Variants in NDUFB9 observed in about 807,000 individuals in gnomAD.
NDUFB9 encodes NADH dehydrogenase [ubiquinone] 1 beta subcomplex subunit 9.
Under a neutral mutation model 30.2 loss-of-function variants are expected in NDUFB9, and 24 were observed. The ratio of observed to expected loss-of-function variants is 0.80; its 90% CI spans 0.58 to 1.12. NDUFB9 has a LOEUF of 1.12. NDUFB9 is among the 50% of genes most tolerant of loss of function. The pLI is 0.00. For missense variants in NDUFB9, 204 were observed against 226.0 expected, an observed-to-expected ratio of 0.90 and a Z score of 0.62; for synonymous variants, 80 against 84.0, an observed-to-expected ratio of 0.95 and a Z score of 0.26.
chr8:124,543,113 T>A lies in NDUFB9; in HGVS notation c.128T>A (p.Leu43Ter). The A allele has an allele frequency of 6.2e-7, 1 of 1,614,230 alleles. No homozygotes were observed. Among genetic ancestry groups the A allele is most frequent in the African/African-American group, 1.3e-5 (1 of 75,058 alleles). Residue 43 changes from leucine (L) to a stop codon, truncating the protein, a stop_gained, in exon 2 of 4, where the codon TTG (leucine) becomes TAG (stop). Coordinates refer to ENST00000276689, the MANE Select transcript of NDUFB9 (RefSeq NM_005005.3). LOFTEE classifies it high-confidence loss of function. ...QRDKYRYFAC[L>*]MRARFEEHKN... ...GACAAATACCGATACTTTGCTTGTTTGATGAGAGCCCGGTTTGAAGAACAT... is the reference window on the plus strand; with the variant it reads ...GACAAATACCGATACTTTGCTTGTTAGATGAGAGCCCGGTTTGAAGAACAT...
chr8:124,548,203 G>A (rs775648773), intron 3 of NDUFB9, among the ~76,000 whole-genome samples: 2 of 152,162 alleles, frequency 1.3e-5, no homozygotes, highest in Non-Finnish European at 2.9e-5. Flanking sequence ...GAACTCCCAG[G>A]AGAGATTTGG....
At chr8:124,545,012 G>GAAGAAGT (rs1402582506) in intron 2 of NDUFB9, among the ~76,000 whole-genome samples, 1 of 152,212 alleles carries the variant, frequency 6.6e-6, no homozygotes, top group Non-Finnish European at 1.5e-5. Flanking sequence ...GACTTCAGCA[G>GAAGAAGT]AAGAAGTAAC....
At chr8:124,544,987 T>A (rs956229796) in intron 2 of NDUFB9, among the ~76,000 whole-genome samples, 2 of 152,172 alleles carry the variant, frequency 1.3e-5, no homozygotes, top group Non-Finnish European at 2.9e-5. Context: ...TTGTGGGTGA[T>A]TTTGAAGGGC....
In NDUFB9 at chr8:124,549,817, C is replaced by T. The variant is rs1335200624; in HGVS notation, c.465C>T (p.Pro155=). The T allele has an allele frequency of 2.5e-6, 4 of 1,614,028 alleles. No homozygotes were observed. ...GTGGTCCTTTAACTGAAGCTTTGCC[C>T]CCTGCCCGAAAGGAAGGTGATTTGC... The part of the protein sequence containing the change: ...PPGGPLTEAL[P]PARKEGDLPP... The change falls in exon 4 of 4, where the codon CCC becomes CCT. Residue 155 remains proline (P), a synonymous_variant. Coordinates refer to ENST00000276689, the MANE Select transcript of NDUFB9 (RefSeq NM_005005.3).
intron 2 of NDUFB9, 36 bp downstream of exon 2, chr8:124,543,315 TAG>T (rs758943691): frequency 1.9e-6 from 3 of 1,591,082 alleles, no homozygotes; most frequent in Middle Eastern, 1.7e-4. Context: ...TTCTGAGAAA[TAG>T]ACTTTGTTTC....
chr8:124,543,386 T>G lies in NDUFB9; in HGVS notation c.294+107T>G. On this transcript the variant is annotated intron_variant, in intron 2 of 3. Coordinates refer to ENST00000276689, the MANE Select transcript of NDUFB9 (RefSeq NM_005005.3). ...GCCCTTCAAGGGGTAGCTAGGAGAC[T>G]TATTTCCTGACAGTTGTCAGATGCA... 3 of 1,162,072 alleles carry G rather than the reference T, an allele frequency of 2.6e-6. No individual in the cohort carries two copies. In the South Asian group the frequency reaches 3.9e-5, roughly 15 times the overall value. 72.0% of individuals were successfully genotyped at this position (1,162,072 alleles called of 1,614,324 possible).
chr8:124,541,567 T>C (rs1169841441), intron 1 of NDUFB9, among the ~76,000 whole-genome samples: 1 of 152,218 alleles, frequency 6.6e-6, no homozygotes, highest in Non-Finnish European at 1.5e-5. Context: ...ATTGCCACTG[T>C]TTTACAGAGG....
At chr8:124,548,824 GAGGCATTTAA>G (rs1822236289) in intron 3 of NDUFB9, among the ~76,000 whole-genome samples, 2 of 152,326 alleles carry the variant, frequency 1.3e-5, no homozygotes, top group Middle Eastern at 6.8e-3. Flanking sequence ...GAGTTTCAAG[GAGGCATTTAA>G]ACAAATGAGT....
intron 3 of NDUFB9, among the ~76,000 whole-genome samples, chr8:124,547,788 CCTGA>C (rs773511835): frequency 2.8e-4 from 43 of 152,002 alleles, no homozygotes; most frequent in Non-Finnish European, 5.6e-4. Flanking sequence ...TGACGACCAG[CCTGA>C]CTAACATGGT....
At chr8:124,544,080 A>G (rs1385604339) in intron 2 of NDUFB9, among the ~76,000 whole-genome samples, 1 of 152,236 alleles carries the variant, frequency 6.6e-6, no homozygotes, top group Non-Finnish European at 1.5e-5. Flanking sequence ...CACACAAATG[A>G]TAAGTGAAAC....
intron 2 of NDUFB9, chr8:124,546,658 A>G (rs994792049): frequency 9.0e-6 from 3 of 331,518 alleles, no homozygotes; most frequent in Non-Finnish European, 1.1e-5. Flanking sequence ...ACCAACTTGG[A>G]TTGGTGCTTA....
intron 1 of NDUFB9, 138 bp downstream of exon 1, chr8:124,539,425 G>A: frequency 1.3e-6 from 1 of 761,668 alleles, no homozygotes; most frequent in Non-Finnish European, 2.3e-6. Flanking sequence ...GAATCCTATG[G>A]TAGACCCGGG....
intron 1 of NDUFB9, among the ~76,000 whole-genome samples, chr8:124,539,989 TA>T (rs1197090051): frequency 6.6e-6 from 1 of 152,086 alleles, no homozygotes; most frequent in East Asian, 1.9e-4. Flanking sequence ...TTTAATCACC[TA>T]AATTCATTGC....
At chr8:124,545,334 T>C (rs1244330582) in intron 2 of NDUFB9, among the ~76,000 whole-genome samples, 1 of 152,146 alleles carries the variant, frequency 6.6e-6, no homozygotes, top group African/African-American at 2.4e-5. Flanking sequence ...GCTATAGAAG[T>C]GTTTGGTGTA....
At chr8:124,547,894 G>A (rs1222138384) in intron 3 of NDUFB9, among the ~76,000 whole-genome samples, 1 of 152,096 alleles carries the variant, frequency 6.6e-6, no homozygotes, top group East Asian at 1.9e-4. Flanking sequence ...TAAGGCAGGA[G>A]AATTGCTTGA....
intron 3 of NDUFB9, 23 bp from the exon 4 acceptor site, chr8:124,549,738 A>AT (rs763752348): frequency 1.2e-6 from 2 of 1,611,448 alleles, no homozygotes; most frequent in Non-Finnish European, 1.7e-6. Flanking sequence ...TTTGGTAATG[A>AT]TTCCTTCCTT....
intron 3 of NDUFB9, among the ~76,000 whole-genome samples, chr8:124,549,356 A>G (rs1265650849): frequency 6.6e-6 from 1 of 152,190 alleles, no homozygotes; most frequent in Non-Finnish European, 1.5e-5. Flanking sequence ...AGGTTTCTTA[A>G]TGGTGCTTTT....
chr8:124,549,884 C>T lies in NDUFB9; in HGVS notation c.532C>T (p.Pro178Ser). The T allele has an allele frequency of 1.9e-6, 3 of 1,614,122 alleles. No individual in the cohort carries two copies. Among genetic ancestry groups the T allele is most frequent in the Non-Finnish European group, 1.7e-6 (2 of 1,180,008 alleles). ...TATTGTGACCAGACCCCGGGAGCGG[C>T]CCATGTAGAAAGAGAGAGACCTCAT... Reference protein sequence around the residue: ...WYIVTRPRERPM With the variant: ...WYIVTRPRERSM Residue 178 changes from proline (P) to serine (S), a missense_variant, in exon 4 of 4, where the codon CCC becomes TCC. Coordinates refer to ENST00000276689, the MANE Select transcript of NDUFB9 (RefSeq NM_005005.3).
At chr8:124,539,323 C>T (rs1450057120) in intron 1 of NDUFB9, 36 bp downstream of exon 1, 3 of 1,605,880 alleles carry the variant, frequency 1.9e-6, no homozygotes, top group Admixed American at 3.3e-5. Flanking sequence ...GGGAGGTGAC[C>T]CTCGGGGCCC....
Sources: gnomAD v4.1 joint callset for allele counts (sites outside exome capture counted in the v4.1 genomes callset) on GRCh38, gnomAD v4.1.1 for gene constraint, MANE v1.5 for transcripts, NCBI Gene and HGNC (gene_info 2026-07-23, HGNC 2026-07-21) for gene names.